PTPRC: variants seen among roughly 807,000 people sequenced by gnomAD.
PTPRC encodes protein tyrosine phosphatase receptor type C, also known as receptor-type tyrosine-protein phosphatase C.
A neutral mutation model predicts 155.9 loss-of-function variants in PTPRC; 44 were observed. The ratio of observed to expected loss-of-function variants is 0.28; its 90% CI spans 0.22 to 0.36. PTPRC has a LOEUF of 0.36. PTPRC is among the 10% of genes least tolerant of loss of function. The pLI is 1.00. For synonymous variants in PTPRC, 525 were observed against 533.1 expected, an observed-to-expected ratio of 0.98 and a Z score of 0.21; for missense variants, 1,401 against 1,564.6, an observed-to-expected ratio of 0.90 and a Z score of 1.76.
intron 32 of PTPRC, among the ~76,000 whole-genome samples, chr1:198,754,989 G>A (rs985206274): frequency 3.3e-5 from 5 of 152,106 alleles, no homozygotes; most frequent in Admixed American, 6.6e-5. Flanking sequence ...CAGAAGACTA[G>A]CCCAGGCCTA....
chr1:198,663,053 C>T (rs6692438), intron 2 of PTPRC, among the ~76,000 whole-genome samples: 15,411 of 152,160 alleles, frequency 0.1, 1,146 homozygotes, highest in African/African-American at 0.19. Context: ...GTACTTCCCA[C>T]GTCTCTTCAC....
At chr1:198,640,416 G>T (rs992412776) in intron 2 of PTPRC, among the ~76,000 whole-genome samples, 1 of 151,842 alleles carries the variant, frequency 6.6e-6, no homozygotes, top group Non-Finnish European at 1.5e-5. Context: ...TACCTCTTGA[G>T]CATGTTACAT....
chr1:198,753,539 A>G (rs887685835), intron 31 of PTPRC, among the ~76,000 whole-genome samples: 1 of 152,056 alleles, frequency 6.6e-6, no homozygotes, highest in Non-Finnish European at 1.5e-5. Flanking sequence ...GGAATTGCAT[A>G]TACTAGAATC....
chr1:198,691,106 C>T (rs938886818), intron 2 of PTPRC, among the ~76,000 whole-genome samples: 4 of 152,086 alleles, frequency 2.6e-5, no homozygotes, highest in African/African-American at 9.7e-5. Flanking sequence ...TTAATATTCA[C>T]TGAACTTCAG....
In PTPRC at chr1:198,716,773, C is replaced by G; in HGVS notation, c.1383C>G (p.Ala461=). The G allele has an allele frequency of 1.2e-6, 2 of 1,613,374 alleles. No individual in the cohort carries two copies. Among genetic ancestry groups the G allele is most frequent in the Non-Finnish European group, 1.7e-6 (2 of 1,179,852 alleles). ...CGAAATATGTTTTATCATTACATGC[C>G]TACATCATTGCAAAAGTGCAACGTA... ...PYTKYVLSLH[A]YIIAKVQRNG... is the part of the protein sequence containing the mutation. Residue 461 remains alanine (A), a synonymous_variant, in exon 13 of 33, where the codon GCC becomes GCG. Transcript: ENST00000442510.
At chr1:198,667,706 C>A (rs12126485) in intron 2 of PTPRC, among the ~76,000 whole-genome samples, 1,976 of 151,734 alleles carry the variant, frequency 0.013, 23 homozygotes, top group Non-Finnish European at 0.016. Context: ...TATTTTATTT[C>A]TAGGACAAGA....
chr1:198,722,524 A>G (rs755982953), intron 15 of PTPRC, 48 bp downstream of exon 15: 19 of 1,064,632 alleles, frequency 1.8e-5, no homozygotes, highest in East Asian at 3.4e-5. Flanking sequence ...ATATATATTA[A>G]TGCTTATAAA....
chr1:198,721,596 T>G (rs1653890417), intron 14 of PTPRC, among the ~76,000 whole-genome samples: 1 of 152,044 alleles, frequency 6.6e-6, no homozygotes, highest in South Asian at 2.1e-4. Flanking sequence ...TTTCTACATT[T>G]CTGGTGCTTT....
intron 11 of PTPRC, among the ~76,000 whole-genome samples, chr1:198,710,527 T>C (rs1036563940): frequency 3.3e-5 from 5 of 152,218 alleles, no homozygotes; most frequent in African/African-American, 1.2e-4. Context: ...TTGGGAAATA[T>C]TGCCATCTTA....
At chr1:198,647,324 T>C (rs550176154) in intron 2 of PTPRC, among the ~76,000 whole-genome samples, 35 of 151,998 alleles carry the variant, frequency 2.3e-4, no homozygotes, top group African/African-American at 8.4e-4. Context: ...GGGTCTCTGC[T>C]TATTTGCCAG....
intron 2 of PTPRC, among the ~76,000 whole-genome samples, chr1:198,677,640 G>A (rs1337175868): frequency 6.6e-6 from 1 of 152,058 alleles, no homozygotes; most frequent in African/African-American, 2.4e-5. Flanking sequence ...CTTACACATT[G>A]TAATGTGGCT....
At position 198,656,639 on chromosome 1, in the gene PTPRC, G is replaced by GTTT. The variant is rs201088832; in HGVS notation, c.73+17302_73+17304dup. Among the ~76,000 whole-genome samples the GTTT allele has an allele frequency of 1.5e-4, 13 of 85,164 alleles. 1 individual carries two copies. Among genetic ancestry groups the GTTT allele is most frequent in the East Asian group, 4.1e-4 (1 of 2,434 alleles). The allele number at this position is 85,164 out of a possible 152,430, so 55.9% of individuals were successfully genotyped here. ...TCTGCTACACATCACAGGGCTACTA[G>GTTT]TTTTTTGTTTTTTGTTTTTTTTTTT... On this transcript the variant is annotated intron_variant, in intron 2 of 32. Coordinates refer to ENST00000442510, the MANE Select transcript of PTPRC (RefSeq NM_002838.5).
intron 2 of PTPRC, among the ~76,000 whole-genome samples, chr1:198,674,571 A>T (rs1664839708): frequency 6.7e-6 from 1 of 148,818 alleles, no homozygotes; most frequent in Admixed American, 6.7e-5. Context: ...ATAACATATA[A>T]TTATAACATA....
rs776926492 is a variant in PTPRC, at chr1:198,749,435, A to G, written c.2958A>G (p.Pro986=). The G allele has an allele frequency of 6.8e-6, 11 of 1,609,638 alleles. No homozygotes were observed. The Admixed American group carries it at 1.0e-4, about 15-fold the overall frequency. ...ACATAGATGACTATAACAGAGTGCC[A>G]CTTAAACATGAGCTGGAAATGAGTA... ...NVIPYDYNRV[P]LKHELEMSKE... The change falls in exon 28 of 33, where the codon CCA becomes CCG. Residue 986 remains proline (P), a synonymous_variant. Coordinates refer to ENST00000442510, the MANE Select transcript of PTPRC (RefSeq NM_002838.5).
chr1:198,697,111 G>C (rs1175404266), intron 4 of PTPRC, among the ~76,000 whole-genome samples: 2 of 152,178 alleles, frequency 1.3e-5, no homozygotes, highest in Non-Finnish European at 2.9e-5. Context: ...GGAGTGGAGA[G>C]AGAAAAGAAG....
At chr1:198,712,855 T>G (rs1179795652) in intron 11 of PTPRC, 98 bp from the exon 12 acceptor site, 13 of 1,294,052 alleles carry the variant, frequency 1.0e-5, no homozygotes, top group Non-Finnish European at 1.4e-5. Context: ...TCATCATTTG[T>G]CAAAATATGG....
At chr1:198,703,610 A>G (rs1394440359) in intron 7 of PTPRC, 10 of 643,622 alleles carry the variant, frequency 1.6e-5, no homozygotes, top group Non-Finnish European at 1.3e-5. Context: ...GTGAGAAACA[A>G]CCACATCTAC....
rs530675953 is a variant in PTPRC, at chr1:198,727,457, A to G, written c.1721-883A>G. 8.5e-5 allele frequency among the ~76,000 whole-genome samples: 13 copies of G among 152,066 alleles called. 1 individual carries two copies. The South Asian group carries it at 2.7e-3, about 32-fold the overall frequency. On this transcript the variant is annotated intron_variant, in intron 15 of 32. Transcript: ENST00000442510. The stretch of plus-strand genomic sequence containing the variant: ...TGGCAGATGACCAAAAGCCAAAAAT[A>G]TTTTTTTTGTGAATAGTGAATAATT...
At chr1:198,667,554 C>T (rs1301043229) in intron 2 of PTPRC, among the ~76,000 whole-genome samples, 1 of 152,108 alleles carries the variant, frequency 6.6e-6, no homozygotes, top group African/African-American at 2.4e-5. Context: ...TATTGATGGA[C>T]AATAAAGGAG....
Sources: gnomAD v4.1 joint callset for allele counts (sites outside exome capture counted in the v4.1 genomes callset) on GRCh38, gnomAD v4.1.1 for gene constraint, MANE v1.5 for transcripts, NCBI Gene and HGNC (gene_info 2026-07-23, HGNC 2026-07-21) for gene names.